TCF7L2: variants seen among roughly 807,000 people sequenced by gnomAD.
TCF7L2 encodes transcription factor 7-like 2.
A neutral mutation model predicts 77.9 loss-of-function variants in TCF7L2; 23 were observed. The ratio of observed to expected loss-of-function variants is 0.30; its 90% confidence interval spans 0.21 to 0.42. TCF7L2 has a LOEUF of 0.42. Among genes scored for constraint, TCF7L2 ranks in the 10% least tolerant of loss-of-function variants. The pLI, the probability that TCF7L2 is intolerant of heterozygous loss-of-function variation, is 1.00. For missense variants in TCF7L2, 654 were observed against 793.1 expected, an observed-to-expected ratio of 0.82 and a Z score of 2.11; for synonymous variants, 413 against 340.2, an observed-to-expected ratio of 1.21 and a Z score of -2.36.
intron 4 of TCF7L2, among the ~76,000 whole-genome samples, chr10:113,022,259 C>T (rs2048374288): frequency 6.6e-6 from 1 of 152,226 alleles, no homozygotes; most frequent in South Asian, 2.1e-4. Context: ...TTTGCCTCCA[C>T]ATGGCTGATT....
intron 4 of TCF7L2, among the ~76,000 whole-genome samples, chr10:113,016,853 C>G (rs138780984): frequency 6.6e-6 from 1 of 152,156 alleles, no homozygotes; most frequent in African/African-American, 2.4e-5. Context: ...CCACCAGATC[C>G]TGACAGCATC....
chr10:113,147,928 C>T (rs1409102249), intron 8 of TCF7L2, among the ~76,000 whole-genome samples: 4 of 151,944 alleles, frequency 2.6e-5, no homozygotes, highest in South Asian at 2.1e-4. Flanking sequence ...GAGAGGCGGC[C>T]GACTCCCCAG....
intron 5 of TCF7L2, among the ~76,000 whole-genome samples, chr10:113,110,829 C>T (rs10885415): frequency 6.6e-5 from 10 of 151,996 alleles, no homozygotes; most frequent in Non-Finnish European, 1.3e-4. Flanking sequence ...CCTGAGTGCC[C>T]GTAATGTTTC....
At chr10:113,000,213 CTGTT>C (rs1415732287) in intron 4 of TCF7L2, among the ~76,000 whole-genome samples, 1 of 152,146 alleles carries the variant, frequency 6.6e-6, no homozygotes, top group Non-Finnish European at 1.5e-5. Flanking sequence ...GAGTCTCACT[CTGTT>C]TGTTTACTCC....
In TCF7L2 at chr10:112,951,289, G is replaced by C; in HGVS notation, c.256+16G>C. The stretch of plus-strand genomic sequence containing the variant: ...TTGGAAGAAGGTGAGTACGCCCCGC[G>C]CGCCCCGCAGCCGCCCGGAGCCGCC... On this transcript the variant is annotated intron_variant, in intron 2 of 13. Transcript: ENST00000627217. The C allele has an allele frequency of 7.5e-7, 1 of 1,331,092 alleles. No individual in the cohort carries two copies. The highest frequency in any genetic ancestry group is 9.8e-7 in the Non-Finnish European group (1 of 1,023,632). 82.5% of individuals were successfully genotyped at this position (1,331,092 alleles called of 1,614,324 possible). A position where few individuals can be genotyped will look rare whatever the true frequency, so the allele number is the denominator to read the frequency against.
rs534877211 is a variant in TCF7L2 at position 112,964,784 on chromosome 10, G to A, written c.450+160G>A. ...GATGGTGGTGGTGGTGGTGATGGTG[G>A]TGGTGGTGATGGTGGTGGTGGTGGT... is the stretch of plus-strand genomic sequence containing the variant. On this transcript the variant is annotated intron_variant, in intron 4 of 13. Transcript: ENST00000627217. Among the ~76,000 whole-genome samples the A allele has an allele frequency of 4.0e-3, 572 of 143,732 alleles. 7 individuals carry two copies. Among genetic ancestry groups the A allele is most frequent in the African/African-American group, 0.015 (542 of 36,484 alleles). 94.3% of individuals were successfully genotyped at this position (143,732 alleles called of 152,430 possible).
At chr10:113,050,616 G>T (rs569053231) in intron 5 of TCF7L2, among the ~76,000 whole-genome samples, 1 of 152,182 alleles carries the variant, frequency 6.6e-6, no homozygotes, top group Non-Finnish European at 1.5e-5. Flanking sequence ...GGAGTATTCA[G>T]TTGGAACTCA....
chr10:113,163,029 A>G (rs1251759097), intron 13 of TCF7L2, among the ~76,000 whole-genome samples: 2 of 151,934 alleles, frequency 1.3e-5, no homozygotes, highest in African/African-American at 2.4e-5. Context: ...AAAAAAGGAA[A>G]AAAAGAAAAG....
chr10:113,045,113 C>A (rs967654749), intron 5 of TCF7L2, among the ~76,000 whole-genome samples: 7 of 152,018 alleles, frequency 4.6e-5, no homozygotes, highest in African/African-American at 1.7e-4. Context: ...AAGCGTTGTC[C>A]TTTTAGAGAG....
At chr10:113,051,222 CA>C (rs2054386645) in intron 5 of TCF7L2, among the ~76,000 whole-genome samples, 1 of 146,298 alleles carries the variant, frequency 6.8e-6, no homozygotes, top group African/African-American at 2.5e-5. Flanking sequence ...CACACACACA[CA>C]CACACACACA....
chr10:113,021,151 T>C (rs2048209306), intron 4 of TCF7L2, among the ~76,000 whole-genome samples: 1 of 152,184 alleles, frequency 6.6e-6, no homozygotes, highest in South Asian at 2.1e-4. Flanking sequence ...CAAACATGTT[T>C]CCTGCCCTCG....
chr10:113,100,883 C>A (rs2061555296), intron 5 of TCF7L2, among the ~76,000 whole-genome samples: 1 of 152,068 alleles, frequency 6.6e-6, no homozygotes, highest in African/African-American at 2.4e-5. Context: ...CGAGACCAGC[C>A]TGACCAACAT....
rs143698392 is a variant in TCF7L2 at position 113,151,562 on chromosome 10, A to G, written c.1002-163A>G. ...TCTTCCCCCAACCCCTCCCCAAGCT[A>G]TTTTTGTTCCATTTTCCGGGGTGCA... On this transcript the variant is annotated intron_variant, in intron 9 of 13. Transcript: ENST00000627217. The surrounding 1 kb of genome is among the most constrained non-coding windows in gnomAD (Gnocchi z 5.2). Among the ~76,000 whole-genome samples, 2 of 151,942 alleles carry G rather than the reference A, an allele frequency of 1.3e-5. No homozygotes were observed. The highest frequency in any genetic ancestry group is 4.8e-5 in the African/African-American group (2 of 41,354).
At chr10:113,089,637 C>T in intron 5 of TCF7L2, 1 of 1,438,376 alleles carries the variant, frequency 7.0e-7, no homozygotes, top group South Asian at 1.4e-5. Context: ...GGCCCATCCA[C>T]TGCGATCCCT....
At chr10:113,013,662 G>A (rs527524377) in intron 4 of TCF7L2, among the ~76,000 whole-genome samples, 2 of 152,284 alleles carry the variant, frequency 1.3e-5, no homozygotes, top group South Asian at 2.1e-4. Flanking sequence ...TGGCTCGTGG[G>A]CATGTCTTTT....
intron 5 of TCF7L2, chr10:113,132,217 A>G (rs1270751337): frequency 2.6e-5 from 4 of 152,176 alleles, no homozygotes; most frequent in African/African-American, 7.2e-5. Flanking sequence ...CTCTTTTTCT[A>G]GGGAGAAGAT....
At chr10:112,951,660 C>T (rs2031386150) in intron 3 of TCF7L2, 53 bp downstream of exon 3, 3 of 1,042,660 alleles carry the variant, frequency 2.9e-6, no homozygotes, top group African/African-American at 1.8e-5. Flanking sequence ...CCGCGCCGCC[C>T]GCCGGGCCCC....
At chr10:113,013,757 G>A (rs1288044965) in intron 4 of TCF7L2, among the ~76,000 whole-genome samples, 1 of 152,136 alleles carries the variant, frequency 6.6e-6, no homozygotes, top group Admixed American at 6.5e-5. Flanking sequence ...TGAGGTCTAC[G>A]GACCACTGGA....
intron 4 of TCF7L2, among the ~76,000 whole-genome samples, chr10:113,001,267 G>A (rs1333308513): frequency 1.3e-5 from 2 of 152,126 alleles, no homozygotes; most frequent in Non-Finnish European, 2.9e-5. Flanking sequence ...TGGCTGTAGT[G>A]GTCCAACAAA....
Sources: gnomAD v4.1 joint callset for allele counts (sites outside exome capture counted in the v4.1 genomes callset) on GRCh38, gnomAD v4.1.1 for gene constraint, Gnocchi (gnomAD v3.1) non-coding constraint, MANE v1.5 for transcripts, NCBI Gene and HGNC (gene_info 2026-07-23, HGNC 2026-07-21) for gene names.